GRID2: variants seen among roughly 807,000 people sequenced by gnomAD.
GRID2 encodes the protein glutamate ionotropic receptor delta type subunit 2, also known as glutamate receptor ionotropic, delta-2.
GRID2 carries 33 observed loss-of-function variants against 114.8 expected under a neutral mutation model. The ratio of observed to expected loss-of-function variants is 0.29; its 90% CI spans 0.22 to 0.38. The LOEUF (loss-of-function observed/expected upper bound fraction) is 0.38, where lower values mean the gene tolerates loss of function less well. Ranked by LOEUF, GRID2 falls within the 10% of genes least tolerant of loss-of-function variation. GRID2 has a pLI of 1.00. For synonymous variants in GRID2, 505 were observed against 449.9 expected (o/e 1.12, Z -1.55); for missense variants, 1,184 against 1,257.7 (o/e 0.94, Z 0.89).
chr4:92,440,851 G>A (rs1413588918), intron 1 of GRID2, among the ~76,000 whole-genome samples: 1 of 152,102 alleles, frequency 6.6e-6, no homozygotes, highest in Non-Finnish European at 1.5e-5. Context: ...GGAGGCTGAA[G>A]TCTGGGCCAG....
chr4:93,290,290 T>A (rs377293480), intron 8 of GRID2, among the ~76,000 whole-genome samples: 4 of 152,122 alleles, frequency 2.6e-5, no homozygotes, highest in African/African-American at 9.7e-5. Flanking sequence ...TGTTTATGAG[T>A]GTGTTTGGGG....
chr4:93,483,828 A>G (rs750205947), intron 11 of GRID2, among the ~76,000 whole-genome samples: 1 of 151,930 alleles, frequency 6.6e-6, no homozygotes, highest in African/African-American at 2.4e-5. Context: ...ATCAAGGGCT[A>G]TAGGAATCCA....
At chr4:92,894,523 A>C (rs1429098637) in intron 2 of GRID2, among the ~76,000 whole-genome samples, 1 of 152,142 alleles carries the variant, frequency 6.6e-6, no homozygotes, top group African/African-American at 2.4e-5. Flanking sequence ...CCAGCTTGAC[A>C]ATATTTCAAA....
At chr4:92,378,157 G>C (rs1422725014) in intron 1 of GRID2, among the ~76,000 whole-genome samples, 1 of 151,342 alleles carries the variant, frequency 6.6e-6, no homozygotes, top group Non-Finnish European at 1.5e-5. Flanking sequence ...ACTTTTCCAA[G>C]GTAAAGTACT....
rs571742965 is a variant in GRID2 at position 93,477,046 on chromosome 4, T to A, written c.1859-13593T>A. Among the ~76,000 whole-genome samples, 18 of 152,230 alleles carry A rather than the reference T, an allele frequency of 1.2e-4. No homozygotes were observed. The East Asian group carries it at 3.3e-3, about 28-fold the overall frequency. On this transcript the variant is annotated intron_variant, in intron 11 of 15. Transcript: ENST00000282020. ...ATAAATGAAATTTATTTTATAGTTCTGGAGGCTGGGAAGTCCAATATCAAG... is the reference window on the plus strand; with the variant it reads ...ATAAATGAAATTTATTTTATAGTTCAGGAGGCTGGGAAGTCCAATATCAAG...
chr4:92,612,057 C>T (rs79399500), intron 2 of GRID2, among the ~76,000 whole-genome samples: 1 of 151,122 alleles, frequency 6.6e-6, no homozygotes, highest in Non-Finnish European at 1.5e-5. Context: ...GAATATATTC[C>T]AAGGTCATTA....
intron 13 of GRID2, among the ~76,000 whole-genome samples, chr4:93,545,320 T>C (rs979079912): frequency 1.3e-5 from 2 of 152,214 alleles, no homozygotes; most frequent in Non-Finnish European, 2.9e-5. Context: ...TTCTAAGTAC[T>C]GTATATGACG....
intron 2 of GRID2, among the ~76,000 whole-genome samples, chr4:92,737,024 A>G (rs556832646): frequency 6.6e-6 from 1 of 152,226 alleles, no homozygotes; most frequent in East Asian, 1.9e-4. Context: ...ATATACTCAT[A>G]TTTTTAATTA....
intron 12 of GRID2, among the ~76,000 whole-genome samples, chr4:93,500,162 G>T (rs758303915): frequency 2.0e-5 from 3 of 151,908 alleles, no homozygotes; most frequent in Non-Finnish European, 4.4e-5. Context: ...AAACAAATCT[G>T]CATTCGAATT....
intron 10 of GRID2, among the ~76,000 whole-genome samples, chr4:93,436,592 G>C (rs1291022886): frequency 6.6e-6 from 1 of 152,094 alleles, no homozygotes; most frequent in African/African-American, 2.4e-5. Context: ...TCCTTCAGGG[G>C]CTTAAAAACA....
At chr4:93,227,637 A>G (rs1402659179) in intron 7 of GRID2, among the ~76,000 whole-genome samples, 1 of 152,122 alleles carries the variant, frequency 6.6e-6, no homozygotes, top group African/African-American at 2.4e-5. Context: ...TTTTTCTCAC[A>G]TCTTATTATG....
chr4:93,426,088 A>T (rs529847605), intron 10 of GRID2, among the ~76,000 whole-genome samples: 1 of 152,330 alleles, frequency 6.6e-6, no homozygotes, highest in Non-Finnish European at 1.5e-5. Context: ...GGAATGGAGA[A>T]GAGTAGAAAT....
chr4:93,081,631 A>T (rs1729876071), intron 2 of GRID2, among the ~76,000 whole-genome samples: 1 of 152,184 alleles, frequency 6.6e-6, no homozygotes, highest in Admixed American at 6.6e-5. Context: ...TATGATCTGT[A>T]TGTATAGATG....
At chr4:92,897,777 C>G (rs1780538282) in intron 2 of GRID2, among the ~76,000 whole-genome samples, 1 of 152,268 alleles carries the variant, frequency 6.6e-6, no homozygotes, top group South Asian at 2.1e-4. Context: ...AACTCTGTCC[C>G]TAATTCTTTT....
At chr4:92,877,959 C>T (rs1054533768) in intron 2 of GRID2, among the ~76,000 whole-genome samples, 39 of 152,230 alleles carry the variant, frequency 2.6e-4, no homozygotes, top group African/African-American at 9.1e-4. Flanking sequence ...TCTGGTGTTT[C>T]TTGCTCCCCA....
intron 9 of GRID2, among the ~76,000 whole-genome samples, chr4:93,418,816 T>C (rs1767975377): frequency 6.6e-6 from 1 of 152,046 alleles, no homozygotes; most frequent in Non-Finnish European, 1.5e-5. Context: ...GGATTGTGTT[T>C]TTCTCTGTCA....
chr4:93,058,263 G>A (rs1727450254), intron 2 of GRID2, among the ~76,000 whole-genome samples: 1 of 151,896 alleles, frequency 6.6e-6, no homozygotes, highest in Admixed American at 6.6e-5. Context: ...TCTTCAAGAA[G>A]CCAATTTTTC....
At chr4:92,570,921 T>C (rs1426660390) in intron 1 of GRID2, among the ~76,000 whole-genome samples, 1 of 152,094 alleles carries the variant, frequency 6.6e-6, no homozygotes, top group Admixed American at 6.6e-5. Context: ...CCTGTCTTTG[T>C]ATTTGAATGT....
At chr4:92,834,811 T>G (rs1431856889) in intron 2 of GRID2, among the ~76,000 whole-genome samples, 1 of 152,110 alleles carries the variant, frequency 6.6e-6, no homozygotes, top group African/African-American at 2.4e-5. Context: ...TGTGTGGTGT[T>G]TGTGATGGGG....
Sources: allele counts gnomAD v4.1 joint callset (sites outside exome capture counted in the v4.1 genomes callset), GRCh38; gene constraint gnomAD v4.1.1; transcripts MANE v1.5; gene names NCBI Gene and HGNC (gene_info 2026-07-23, HGNC 2026-07-21).